ANK1: variants seen among roughly 807,000 people sequenced by gnomAD.
The protein encoded by ANK1 is ankyrin 1.
ANK1 carries 51 observed loss-of-function variants against 210.4 expected under a neutral mutation model. That is an observed-to-expected ratio of 0.24 (90% confidence interval 0.19 to 0.31). ANK1 has a LOEUF of 0.31. Among genes scored for constraint, ANK1 ranks in the 10% least tolerant of loss-of-function variants. ANK1 has a pLI of 1.00. For synonymous variants in ANK1, 967 were observed against 1,025.9 expected (o/e 0.94, Z 1.10); for missense variants, 2,051 against 2,504.4 (o/e 0.82, Z 3.86).
At chr8:41,847,412 T>A (rs1229943501) in intron 1 of ANK1, among the ~76,000 whole-genome samples, 1 of 152,178 alleles carries the variant, frequency 6.6e-6, no homozygotes, top group African/African-American at 2.4e-5. Context: ...GATTGCTGAC[T>A]GCAAAGGAGG....
intron 42 of ANK1, among the ~76,000 whole-genome samples, chr8:41,659,471 C>T (rs1018341680): frequency 1.8e-4 from 27 of 152,110 alleles, no homozygotes; most frequent in Admixed American, 1.8e-3. Context: ...TAAATGTTAG[C>T]GAGTGGACGA....
At chr8:41,727,793 T>C in intron 4 of ANK1, 115 bp downstream of exon 4, 1 of 967,228 alleles carries the variant, frequency 1.0e-6, no homozygotes, top group Admixed American at 1.9e-5. Context: ...ATCTAGGCCC[T>C]GCCCCACAGT....
At chr8:41,727,159 C>T in intron 5 of ANK1, 91 bp downstream of exon 5, 3 of 993,102 alleles carry the variant, frequency 3.0e-6, no homozygotes, top group Non-Finnish European at 4.8e-6. Flanking sequence ...ATGGATGCAC[C>T]CCAAGCCACA....
At chr8:41,797,653 C>A (rs1849032982), upstream of ANK1, 2 of 1,497,164 alleles carry the variant, frequency 1.3e-6, no homozygotes, top group African/African-American at 1.4e-5. The surrounding 1 kb of genome is among the most constrained non-coding windows in gnomAD (Gnocchi z 4.0). Context: ...GCCAGGCCCC[C>A]GAGGGCCTTA....
chr8:41,850,077 C>T (rs890080478), intron 1 of ANK1, among the ~76,000 whole-genome samples: 1 of 152,140 alleles, frequency 6.6e-6, no homozygotes, highest in Non-Finnish European at 1.5e-5. Context: ...ACCCTCCTGC[C>T]GGCACCAGGC....
At chr8:41,661,829 T>C in intron 41 of ANK1, 47 bp downstream of exon 41, 1 of 1,614,058 alleles carries the variant, frequency 6.2e-7, no homozygotes, top group Non-Finnish European at 8.5e-7. Flanking sequence ...GTAATCAATA[T>C]CGACCTCCAG....
intron 1 of ANK1, among the ~76,000 whole-genome samples, chr8:41,839,278 G>A (rs1808402178): frequency 6.6e-6 from 1 of 152,192 alleles, no homozygotes. Context: ...GACTCTGCAT[G>A]CATTAACTAA....
chr8:41,719,397 G>A lies in ANK1; in HGVS notation c.1107+264C>T, dbSNP rs139010606. Among the ~76,000 whole-genome samples, 196 of 152,290 alleles carry A rather than the reference G, an allele frequency of 1.3e-3. 2 individuals carry two copies. In the East Asian group the frequency reaches 0.031, roughly 24 times the overall value. The stretch of plus-strand genomic sequence containing the variant: ...CCATGCAGGATGCTTCCTGAGTCCG[G>A]TCTCCTGGGCCCAAACTCATCCCTG... On this transcript the variant is annotated intron_variant, in intron 10 of 42. Transcript: ENST00000289734.
In ANK1 at chr8:41,653,660, A is replaced by G. The variant is rs1804771724; in HGVS notation, c.*2130T>C. The G allele has an allele frequency of 6.6e-6, 1 of 152,346 alleles. No individual in the cohort carries two copies. Among genetic ancestry groups the G allele is most frequent in the African/African-American group, 2.4e-5 (1 of 41,438 alleles). The allele number at this position is 152,346 out of a possible 1,614,324, so 9.4% of individuals were successfully genotyped here. A position where few individuals can be genotyped will look rare whatever the true frequency, so the allele number is the denominator to read the frequency against. On this transcript the variant is annotated 3_prime_UTR_variant, in exon 43 of 43. Transcript: ENST00000289734. The stretch of plus-strand genomic sequence containing the variant: ...CTGAGCCCAGCTTCCTTGGGCCGTC[A>G]CCGAATCGGTCCCAGCCGCGCTGTG...
intron 24 of ANK1, among the ~76,000 whole-genome samples, chr8:41,697,071 C>A (rs1821253337): frequency 1.3e-5 from 1 of 75,136 alleles, no homozygotes; most frequent in South Asian, 8.2e-4. Context: ...CCCGCTGCAC[C>A]TGCTGCAGAC....
chr8:41,771,059 C>G (rs1842870801), intron 1 of ANK1, among the ~76,000 whole-genome samples: 1 of 152,204 alleles, frequency 6.6e-6, no homozygotes, highest in Non-Finnish European at 1.5e-5. Context: ...ACAGTGATTA[C>G]TGACTGGTGT....
At chr8:41,858,658 C>T (rs550474296) in intron 1 of ANK1, among the ~76,000 whole-genome samples, 11 of 152,346 alleles carry the variant, frequency 7.2e-5, no homozygotes, top group South Asian at 4.1e-4. Context: ...GCCCGGATTC[C>T]GCTCCTTCTA....
intron 1 of ANK1, among the ~76,000 whole-genome samples, chr8:41,792,269 C>T (rs1847896146): frequency 6.6e-6 from 1 of 152,228 alleles, no homozygotes; most frequent in Admixed American, 6.5e-5. Context: ...ATGACAAACG[C>T]CACACTTGCC....
intron 39 of ANK1, 184 bp from the exon 40 acceptor site, chr8:41,663,926 C>T: frequency 1.5e-6 from 1 of 672,904 alleles, no homozygotes; most frequent in South Asian, 1.5e-5. Flanking sequence ...GGGCGGCGCC[C>T]CTGAGGGTCT....
chr8:41,757,940 GAAAAGGTT>G lies in ANK1; in HGVS notation c.129+88_129+95del. On this transcript the variant is annotated intron_variant, in intron 2 of 42. Coordinates refer to ENST00000289734, the MANE Select transcript of ANK1 (RefSeq NM_000037.4). ...CCTGGGGGAGTTTTGAGGCCACTGA[GAAAAGGTT>G]AATAGAGGCAGTTTCAAAGCTCTCA... 3 of 1,164,388 alleles carry G rather than the reference GAAAAGGTT, an allele frequency of 2.6e-6. No homozygotes were observed. In the South Asian group the frequency reaches 3.7e-5, roughly 14 times the overall value. 72.1% of individuals were successfully genotyped at this position (1,164,388 alleles called of 1,614,324 possible).
chr8:41,803,021 GAAA>G (rs1378458917), intron 1 of ANK1, among the ~76,000 whole-genome samples: 2 of 85,288 alleles, frequency 2.3e-5, no homozygotes, highest in African/African-American at 1.0e-4. Context: ...AAGAAAGAAA[GAAA>G]GAAAGAAAGA....
chr8:41,789,142 A>G (rs1847082132), intron 1 of ANK1: 1 of 152,170 alleles, frequency 6.6e-6, no homozygotes, highest in African/African-American at 2.4e-5. Context: ...CGAATGCAGC[A>G]TTTCCCACTT....
At chr8:41,882,090 C>T (rs1400513471) in intron 1 of ANK1, among the ~76,000 whole-genome samples, 1 of 152,156 alleles carries the variant, frequency 6.6e-6, no homozygotes, top group Non-Finnish European at 1.5e-5. Context: ...CCCGCCTCTG[C>T]CACTGCGCAG....
chr8:41,707,276 C>T (rs1478554441), intron 17 of ANK1, among the ~76,000 whole-genome samples: 1 of 152,214 alleles, frequency 6.6e-6, no homozygotes, highest in Admixed American at 6.5e-5. Context: ...TGGGCACCCA[C>T]ATGAAAATGT....
Sources: allele counts gnomAD v4.1 joint callset (sites outside exome capture counted in the v4.1 genomes callset), GRCh38; gene constraint gnomAD v4.1.1; non-coding constraint Gnocchi (gnomAD v3.1); transcripts MANE v1.5; gene names NCBI Gene and HGNC (gene_info 2026-07-23, HGNC 2026-07-21).